The following ZNF385D variants were observed in gnomAD, a reference collection of about 807,000 sequenced individuals.
The protein encoded by ZNF385D is zinc finger protein 385D, also known as zinc finger protein 659.
A neutral mutation model predicts 35.8 loss-of-function variants in ZNF385D; 15 were observed. That is an observed-to-expected ratio of 0.42 (90% CI 0.28 to 0.64). ZNF385D has a LOEUF of 0.64. Ranked by LOEUF, ZNF385D falls within the 30% of genes least tolerant of loss-of-function variation. The pLI is 0.23. For synonymous variants in ZNF385D, 212 were observed against 186.8 expected (o/e 1.13, Z -1.10); for missense variants, 474 against 494.6 (o/e 0.96, Z 0.39).
chr3:21,840,944 G>A (rs1559679040), intron 3 of ZNF385D, among the ~76,000 whole-genome samples: 1 of 151,988 alleles, frequency 6.6e-6, no homozygotes, highest in Middle Eastern at 3.2e-3. Flanking sequence ...ATAAACTGAA[G>A]GCACAGGTAG....
rs1279571496 is a variant in ZNF385D, at chr3:21,642,810, C to G, written c.165+22076G>C. On this transcript the variant is annotated intron_variant, in intron 2 of 7. Coordinates refer to ENST00000281523, the MANE Select transcript of ZNF385D (RefSeq NM_024697.3). ...GACACAGGCCACAAAATGGGTGAAC[C>G]TTGAGGACATTATACTAAGTAAACC... is the stretch of plus-strand genomic sequence containing the variant. 4.6e-5 allele frequency among the ~76,000 whole-genome samples: 7 copies of G among 151,974 alleles called. No individual in the cohort carries two copies. In the East Asian group the frequency reaches 1.4e-3, roughly 29 times the overall value.
chr3:21,670,659 C>G (rs149345021), intron 1 of ZNF385D, among the ~76,000 whole-genome samples: 9,323 of 18,706 alleles, frequency 0.5, 3,190 homozygotes, highest in East Asian at 0.7. Flanking sequence ...CGCCCCCCCC[C>G]CCCCCCCCCC....
intron 1 of ZNF385D, among the ~76,000 whole-genome samples, chr3:21,711,243 G>C (rs923780693): frequency 5.9e-5 from 9 of 151,600 alleles, no homozygotes; most frequent in African/African-American, 2.2e-4. Flanking sequence ...GGGTTTCACC[G>C]TGTTAGCCAG....
chr3:22,035,926 TCA>T (rs946667657), intron 3 of ZNF385D, among the ~76,000 whole-genome samples: 1 of 144,972 alleles, frequency 6.9e-6, no homozygotes, highest in Non-Finnish European at 1.6e-5. Context: ...GGTGGTACTT[TCA>T]CAGTTTTTTT....
intron 3 of ZNF385D, among the ~76,000 whole-genome samples, chr3:22,104,614 A>G (rs576396675): frequency 1.3e-5 from 2 of 152,168 alleles, no homozygotes; most frequent in African/African-American, 4.8e-5. Context: ...TTTCTATTAC[A>G]TTCAACATAA....
chr3:21,493,694 T>A (rs1338695149), intron 4 of ZNF385D, among the ~76,000 whole-genome samples: 1 of 151,892 alleles, frequency 6.6e-6, no homozygotes, highest in Non-Finnish European at 1.5e-5. Context: ...GAACTCCTAG[T>A]CTCAAGCAAT....
intron 2 of ZNF385D, among the ~76,000 whole-genome samples, chr3:22,338,848 G>A (rs866096089): frequency 8.6e-5 from 13 of 151,680 alleles, no homozygotes; most frequent in South Asian, 8.3e-4. Flanking sequence ...TTACAGGCAC[G>A]TGCCACCACA....
intron 2 of ZNF385D, among the ~76,000 whole-genome samples, chr3:22,179,485 G>C (rs904254880): frequency 6.6e-6 from 1 of 152,234 alleles, no homozygotes; most frequent in East Asian, 1.9e-4. Flanking sequence ...GGAGATTTTG[G>C]GCTGAGACGA....
At chr3:22,006,079 AG>A (rs1203481473) in intron 3 of ZNF385D, among the ~76,000 whole-genome samples, 1 of 152,126 alleles carries the variant, frequency 6.6e-6, no homozygotes, top group Non-Finnish European at 1.5e-5. Flanking sequence ...CAGGGTAGTC[AG>A]TCACCTCCTG....
intron 3 of ZNF385D, among the ~76,000 whole-genome samples, chr3:21,884,909 A>G (rs201992284): frequency 2.0e-5 from 2 of 99,336 alleles, no homozygotes; most frequent in African/African-American, 4.3e-5. Context: ...ATTTATCTGC[A>G]CTTTTTTTTG....
At chr3:21,885,017 A>T (rs1178721421) in intron 3 of ZNF385D, among the ~76,000 whole-genome samples, 2 of 152,084 alleles carry the variant, frequency 1.3e-5, no homozygotes, top group Admixed American at 1.3e-4. Context: ...AGTAGATATA[A>T]CTTGCAGACT....
chr3:21,974,079 G>T (rs1402094444), intron 3 of ZNF385D, among the ~76,000 whole-genome samples: 4 of 151,768 alleles, frequency 2.6e-5, no homozygotes, highest in Non-Finnish European at 5.9e-5. Context: ...ATCCTAAAAT[G>T]TATATGGAAC....
chr3:21,469,338 C>T (rs887213702), intron 4 of ZNF385D, among the ~76,000 whole-genome samples: 14 of 152,296 alleles, frequency 9.2e-5, no homozygotes, highest in African/African-American at 3.4e-4. Flanking sequence ...ACTCTGAGTC[C>T]TCTCACAACC....
chr3:21,707,987 G>A (rs1198392255), intron 1 of ZNF385D, among the ~76,000 whole-genome samples: 2 of 152,104 alleles, frequency 1.3e-5, no homozygotes, highest in African/African-American at 2.4e-5. Flanking sequence ...TCCTGGGTCC[G>A]GCACTACGGG....
At chr3:21,574,055 CG>C (rs1559420937) in intron 2 of ZNF385D, among the ~76,000 whole-genome samples, 2 of 62,996 alleles carry the variant, frequency 3.2e-5, no homozygotes, top group Non-Finnish European at 5.7e-5. Flanking sequence ...AGTGAAACTC[CG>C]TCTCAAAAAA....
rs920256143 is a variant in ZNF385D, at chr3:22,137,475, G to T, written c.325+31342C>A. On this transcript the variant is annotated intron_variant, in intron 3 of 5. Transcript: ENST00000494108. Reference sequence around the variant, plus strand: ...GCACATCAAAAAGCTTATCCACCATGATCAAATGGGCTTCATCCCTGGGAT... The same window carrying T: ...GCACATCAAAAAGCTTATCCACCATTATCAAATGGGCTTCATCCCTGGGAT... Among the ~76,000 whole-genome samples the T allele has an allele frequency of 6.6e-5, 10 of 152,256 alleles. No individual in the cohort carries two copies. In the East Asian group the frequency reaches 1.9e-3, roughly 29 times the overall value.
chr3:22,300,307 T>G (rs2125410659), intron 2 of ZNF385D, among the ~76,000 whole-genome samples: 1 of 151,888 alleles, frequency 6.6e-6, no homozygotes, highest in South Asian at 2.1e-4. Flanking sequence ...GATTAAAGAC[T>G]TAAGTGTAAA....
intron 3 of ZNF385D, among the ~76,000 whole-genome samples, chr3:21,873,982 C>CT (rs1284425751): frequency 1.1e-4 from 5 of 44,818 alleles, no homozygotes; most frequent in African/African-American, 2.9e-4. Flanking sequence ...ATCCTGATTT[C>CT]ATTTTTTTTT....
intron 1 of ZNF385D, among the ~76,000 whole-genome samples, chr3:21,718,051 C>T (rs2068392458): frequency 6.6e-6 from 1 of 152,238 alleles, no homozygotes; most frequent in South Asian, 2.1e-4. Context: ...TTCTATCAAG[C>T]CCCCAGGTGA....
Sources: allele counts gnomAD v4.1 joint callset (sites outside exome capture counted in the v4.1 genomes callset), GRCh38; gene constraint gnomAD v4.1.1; transcripts MANE v1.5; gene names NCBI Gene and HGNC (gene_info 2026-07-23, HGNC 2026-07-21).